SFTPD: variants seen among roughly 807,000 people sequenced by gnomAD.
SFTPD encodes the protein pulmonary surfactant-associated protein D.
A neutral mutation model predicts 34.6 loss-of-function variants in SFTPD; 18 were observed. That is an observed-to-expected ratio of 0.52 (90% CI 0.36 to 0.77). SFTPD has a LOEUF of 0.77. SFTPD is among the 30% of genes least tolerant of loss of function. SFTPD has a pLI of 0.00. For synonymous variants in SFTPD, 155 were observed against 180.9 expected (o/e 0.86, Z 1.15); for missense variants, 433 against 468.9 (o/e 0.92, Z 0.71).
At chr10:79,948,164 A>G (rs723191) in intron 1 of SFTPD, among the ~76,000 whole-genome samples, 12,184 of 152,304 alleles carry the variant, frequency 0.08, 649 homozygotes, top group South Asian at 0.2. Flanking sequence ...CACTGCCAGC[A>G]GCGGCTACCT....
intron 1 of SFTPD, chr10:79,969,105 G>A (rs1842820400): frequency 6.6e-6 from 1 of 152,096 alleles, no homozygotes; most frequent in African/African-American, 2.4e-5. Flanking sequence ...TTGGGAGGCT[G>A]GGGTGGGCGG....
chr10:79,945,293 A>G (rs1156320992), intron 2 of SFTPD, among the ~76,000 whole-genome samples: 1 of 151,456 alleles, frequency 6.6e-6, no homozygotes, highest in Non-Finnish European at 1.5e-5. Flanking sequence ...GCCAAGATGA[A>G]CCCCACCCCC....
At chr10:79,963,085 G>T (rs1842783970) in intron 1 of SFTPD, among the ~76,000 whole-genome samples, 1 of 152,060 alleles carries the variant, frequency 6.6e-6, no homozygotes, top group Non-Finnish European at 1.5e-5. Context: ...GTTCACATCT[G>T]TAATCCTAGC....
chr10:79,941,665 C>A, intron 5 of SFTPD, 151 bp from the exon 6 acceptor site: 1 of 644,656 alleles, frequency 1.6e-6, no homozygotes, highest in Non-Finnish European at 2.7e-6. Context: ...TCCCTGTACA[C>A]TGACTGTCCC....
rs1589333831 is a variant in SFTPD at position 79,941,962 on chromosome 10, C to T, written c.542G>A (p.Gly181Glu). ...PGERGVPGNT[G>E]AAGSAGAMGP... is the part of the protein sequence containing the mutation. ...CTCTTTCCACTGCTCACCTGCTGCC[C>T]CTGTGTTTCCAGGGACTCCACGCTC... is the stretch of plus-strand genomic sequence containing the variant. Residue 181 changes from glycine (G) to glutamate (E), a missense_variant, in exon 5 of 8, where the codon GGG (glycine) becomes GAG (glutamate). Transcript: ENST00000372292. The T allele has an allele frequency of 3.7e-6, 6 of 1,607,816 alleles. No homozygotes were observed. In the East Asian group the frequency reaches 1.3e-4, roughly 36 times the overall value.
upstream of SFTPD, among the ~76,000 whole-genome samples, chr10:79,952,531 A>G (rs1030438387): frequency 6.6e-6 from 1 of 152,138 alleles, no homozygotes. Context: ...GGCAGAGGAG[A>G]GCAAATGAAC....
chr10:79,980,390 T>C (rs1258696330), intron 1 of SFTPD, among the ~76,000 whole-genome samples: 2 of 152,090 alleles, frequency 1.3e-5, no homozygotes, highest in African/African-American at 2.4e-5. Flanking sequence ...AGAAGGTAAA[T>C]TGCTGCACTG....
chr10:79,942,465 C>T lies in SFTPD; in HGVS notation c.356G>A (p.Arg119Lys), dbSNP rs777029134. ...GPPGVPGPAG[R>K]EGPLGKQGNI... ...CCCCTGCTTCCCCAGGGGACCTTCT[C>T]TTCCAGCTGGACCAGGCACACCGGG... Residue 119 changes from arginine to lysine, a missense_variant, in exon 4 of 8, where the codon AGA becomes AAA. By Grantham distance (26) the Arg-to-Lys change is conservative (BLOSUM62 2). Coordinates refer to ENST00000372292, the MANE Select transcript of SFTPD (RefSeq NM_003019.5). 5.0e-6 allele frequency: 8 copies of T among 1,613,502 alleles called. No homozygotes were observed. The highest frequency in any genetic ancestry group is 4.4e-5 in the South Asian group (4 of 91,074).
In SFTPD at chr10:79,938,068, G is replaced by A. The variant is rs777015271; in HGVS notation, c.912C>T (p.Val304=). 19 of 1,614,014 alleles carry A rather than the reference G, an allele frequency of 1.2e-5. No homozygotes were observed. The East Asian group carries it at 1.3e-4, about 11-fold the overall frequency. ...AAENAALQQL[V]VAKNEAAFLS... ...GGAAAGCAGCCTCGTTCTTAGCTAC[G>A]ACCAGCTGTTGCAAGGCGGCATTCT... Residue 304 remains valine (V), a synonymous_variant, in exon 8 of 8, where the codon GTC becomes GTT. Coordinates refer to ENST00000372292, the MANE Select transcript of SFTPD (RefSeq NM_003019.5).
At chr10:79,941,347 GCCCACCCATGC>G in intron 6 of SFTPD, 40 bp downstream of exon 6, 1 of 1,513,684 alleles carries the variant, frequency 6.6e-7, no homozygotes, top group African/African-American at 1.4e-5. Context: ...CTTCCTCTCT[GCCCACCCATGC>G]CCCAGCGGGG....
rs1436566378 is a variant in SFTPD at position 79,979,719 on chromosome 10, CA to C, written c.36+2855del. Among the ~76,000 whole-genome samples, 5 of 152,198 alleles carry C rather than the reference CA, an allele frequency of 3.3e-5. No homozygotes were observed. The South Asian group carries it at 8.3e-4, about 25-fold the overall frequency. On this transcript the variant is annotated intron_variant, in intron 1 of 5. Coordinates refer to the SFTPD transcript ENST00000444384. ...ATAAACTTGAAAGGCAGTCTAGACA[CA>C]AGGACTGAAATTCCTGGGCAAGTCC...
chr10:79,952,922 C>T (rs1264741274), upstream of SFTPD, among the ~76,000 whole-genome samples: 1 of 152,202 alleles, frequency 6.6e-6, no homozygotes, highest in Non-Finnish European at 1.5e-5. Context: ...TTCAGCAGTC[C>T]ATAGTCTGCC....
intron 7 of SFTPD, 112 bp downstream of exon 7, chr10:79,940,593 C>T: frequency 1.4e-6 from 1 of 689,852 alleles, no homozygotes; most frequent in Non-Finnish European, 2.6e-6. Flanking sequence ...AGGGCAGGCT[C>T]TGCCTCAGGT....
At position 79,967,650 on chromosome 10, in the gene SFTPD, A is replaced by G. The variant is rs188626646; in HGVS notation, c.36+14925T>C. ...ACAGAGCCCTCAGAAATAATGCCGC[A>G]TATCTACAACTATCTGATCTTTATT... On this transcript the variant is annotated intron_variant, in intron 1 of 5. Coordinates refer to the SFTPD transcript ENST00000444384. Among the ~76,000 whole-genome samples the G allele has an allele frequency of 4.0e-5, 6 of 148,494 alleles. 2 individuals carry two copies. In the East Asian group the frequency reaches 1.2e-3, roughly 30 times the overall value.
At chr10:79,941,329 G>A (rs1170905309) in intron 6 of SFTPD, 69 bp downstream of exon 6, 8 of 1,347,100 alleles carry the variant, frequency 5.9e-6, no homozygotes, top group Non-Finnish European at 8.5e-6. Context: ...CCTCTGGGAT[G>A]AGGAGGGCTT....
chr10:79,942,454 G>T lies in SFTPD; in HGVS notation c.367C>A (p.Leu123Met). ...GGTCCTATGTTCCCCTGCTTCCCCA[G>T]GGGACCTTCTCTTCCAGCTGGACCA... Reference protein sequence around the residue: ...VPGPAGREGPLGKQGNIGPQG... With the variant: ...VPGPAGREGPMGKQGNIGPQG... The change falls in exon 4 of 8, where the codon CTG becomes ATG. Residue 123 changes from leucine (L) to methionine (M), a missense_variant. Transcript: ENST00000372292. The T allele has an allele frequency of 1.2e-6, 2 of 1,613,492 alleles. No individual in the cohort carries two copies. The highest frequency in any genetic ancestry group is 1.7e-6 in the Non-Finnish European group (2 of 1,179,542).
chr10:79,970,610 A>G (rs1842829872), intron 1 of SFTPD: 1 of 151,844 alleles, frequency 6.6e-6, no homozygotes, highest in Admixed American at 6.6e-5. Context: ...ATTACTATGT[A>G]TTTTATTTAT....
At chr10:79,980,976 TAAA>T (rs1842887091) in intron 1 of SFTPD, among the ~76,000 whole-genome samples, 1 of 152,122 alleles carries the variant, frequency 6.6e-6, no homozygotes, top group African/African-American at 2.4e-5. Context: ...CTCACCAAAC[TAAA>T]TAAGGCATCA....
Position 79,942,784 on chromosome 10 carries a change from T to G in SFTPD, c.295A>C (p.Lys99Gln). ...TCACCACTTGGCCCAGTGTCTCCCT[T>G]TGGTCCAGGTTCTCCAACAGAGCCA... ...DNGSVGEPGP[K>Q]GDTGPSGPPG... The change falls in exon 3 of 8, where the codon AAG becomes CAG. Residue 99 changes from lysine (K) to glutamine (Q), a missense_variant. By Grantham distance (53) the Lys-to-Gln change is moderately conservative (BLOSUM62 1). Transcript: ENST00000372292. The G allele has an allele frequency of 6.2e-7, 1 of 1,612,116 alleles. No individual in the cohort carries two copies.
Sources: allele counts gnomAD v4.1 joint callset (sites outside exome capture counted in the v4.1 genomes callset), GRCh38; gene constraint gnomAD v4.1.1; transcripts MANE v1.5; gene names NCBI Gene and HGNC (gene_info 2026-07-23, HGNC 2026-07-21).